DECR1: variants seen among roughly 807,000 people sequenced by gnomAD.
DECR1 encodes the protein 2,4-dienoyl-CoA reductase [(3E)-enoyl-CoA-producing], mitochondrial.
In DECR1, 44 loss-of-function variants were observed where a neutral mutation model predicts 38.8. The observed-to-expected ratio is 1.13, with a 90% CI of 0.89 to 1.46. The LOEUF (loss-of-function observed/expected upper bound fraction) is 1.46, where lower values mean the gene tolerates loss of function less well. DECR1 is among the 40% of genes most tolerant of loss of function. The probability of loss-of-function intolerance (pLI) is 0.00; values close to 1 mark genes in which losing one functional copy is unlikely to be tolerated. For synonymous variants in DECR1, 148 were observed against 135.2 expected (o/e 1.09, Z -0.66); for missense variants, 428 against 405.5 (o/e 1.06, Z -0.48).
At chr8:90,036,773 A>G in intron 5 of DECR1, 68 bp from the exon 6 acceptor site, 1 of 1,014,994 alleles carries the variant, frequency 9.9e-7, no homozygotes. Flanking sequence ...ATTTTTATAA[A>G]TAATGTTTTC....
Position 90,051,854 on chromosome 8 carries a change from G to T in DECR1, c.965G>T (p.Trp322Leu), listed in dbSNP as rs767238001. 2.5e-6 allele frequency: 4 copies of T among 1,613,614 alleles called. No homozygotes were observed. In the South Asian group the frequency reaches 4.4e-5, roughly 18 times the overall value. The change falls in exon 10 of 10, where the codon TGG (tryptophan) becomes TTG (leucine). Residue 322 changes from tryptophan (W) to leucine (L), a missense_variant. Trp to Leu is a moderately conservative substitution (Grantham distance 61). Transcript: ENST00000220764. ...TTGTGTTAGGTCACCAAGGAGCAGTGGGACACCATAGAAGAACTCATCAGG... is the reference window on the plus strand; with the variant it reads ...TTGTGTTAGGTCACCAAGGAGCAGTTGGACACCATAGAAGAACTCATCAGG... ...NDLRKVTKEQWDTIEELIRKT... is the reference protein window; with the variant it reads ...NDLRKVTKEQLDTIEELIRKT...
chr8:90,026,817 G>C (rs1297141861), intron 5 of DECR1, among the ~76,000 whole-genome samples: 4 of 152,124 alleles, frequency 2.6e-5, no homozygotes, highest in East Asian at 1.9e-4. Context: ...GTGATGTTGG[G>C]TGCCCATTTT....
At chr8:90,036,695 T>C (rs1035598685) in intron 5 of DECR1, 146 bp from the exon 6 acceptor site, 11 of 535,762 alleles carry the variant, frequency 2.1e-5, no homozygotes, top group Admixed American at 1.7e-4. Flanking sequence ...TACTCTCTCA[T>C]TAATTTAGAG....
chr8:90,042,960 A>G (rs1157504106), intron 7 of DECR1, among the ~76,000 whole-genome samples, 160 bp downstream of exon 7: 1 of 152,162 alleles, frequency 6.6e-6, no homozygotes, highest in Non-Finnish European at 1.5e-5. Context: ...ATCGAATATA[A>G]GAAATAAGGA....
At position 90,052,931 on chromosome 8, in the gene DECR1, G is replaced by T. The variant is rs1814132602; in HGVS notation, c.*1034G>T. Among the ~76,000 whole-genome samples the T allele has an allele frequency of 6.6e-6, 1 of 152,032 alleles. No individual in the cohort carries two copies. Among genetic ancestry groups the T allele is most frequent in the Non-Finnish European group, 1.5e-5 (1 of 68,004 alleles). ...CATCTTACCTCATCTGAATAAATCTGCCACAAGCCCATGGAAACCCCAATT... is the reference window on the plus strand; with the variant it reads ...CATCTTACCTCATCTGAATAAATCTTCCACAAGCCCATGGAAACCCCAATT... On this transcript the variant is annotated 3_prime_UTR_variant, in exon 10 of 10. Transcript: ENST00000220764.
chr8:90,047,735 T>G (rs547043639), intron 8 of DECR1, among the ~76,000 whole-genome samples: 1 of 152,254 alleles, frequency 6.6e-6, no homozygotes, highest in African/African-American at 2.4e-5. Flanking sequence ...ATATATATTC[T>G]TTTTAGCACC....
intron 1 of DECR1, among the ~76,000 whole-genome samples, chr8:90,007,186 G>A (rs1812764159): frequency 6.6e-6 from 1 of 152,136 alleles, no homozygotes; most frequent in African/African-American, 2.4e-5. Context: ...GGGGAATCCT[G>A]AGTACTTTGT....
intron 8 of DECR1, among the ~76,000 whole-genome samples, chr8:90,046,937 C>T (rs910206796): frequency 2.6e-5 from 4 of 152,106 alleles, no homozygotes; most frequent in Non-Finnish European, 4.4e-5. Context: ...CCAAACTAAG[C>T]TTCATAAGTG....
chr8:90,017,911 T>C (rs960063181), intron 2 of DECR1, among the ~76,000 whole-genome samples: 1 of 152,184 alleles, frequency 6.6e-6, no homozygotes, highest in Non-Finnish European at 1.5e-5. Context: ...GGTGGAGTTT[T>C]GTCCAGCTCT....
chr8:90,015,813 C>G (rs1272509415), intron 1 of DECR1: 6 of 303,056 alleles, frequency 2.0e-5, no homozygotes, highest in Admixed American at 4.0e-5. Flanking sequence ...AGAGAAGGCT[C>G]TGGAGCCTGT....
intron 6 of DECR1, among the ~76,000 whole-genome samples, chr8:90,037,479 GT>G (rs1813644110): frequency 6.7e-6 from 1 of 148,326 alleles, no homozygotes; most frequent in Admixed American, 6.8e-5. Flanking sequence ...CAGGACTTCA[GT>G]CTGTTGCCCA....
intron 8 of DECR1, among the ~76,000 whole-genome samples, chr8:90,047,128 C>T (rs1021837659): frequency 3.3e-5 from 5 of 152,098 alleles, no homozygotes; most frequent in African/African-American, 4.8e-5. Context: ...CATCAACTAA[C>T]GAGCAAAATA....
intron 7 of DECR1, among the ~76,000 whole-genome samples, chr8:90,043,999 T>C (rs1813826193): frequency 6.6e-6 from 1 of 152,334 alleles, no homozygotes; most frequent in South Asian, 2.1e-4. Flanking sequence ...AGAAAGTGCT[T>C]GCCACTAAGG....
At chr8:90,028,444 A>T (rs1459336746) in intron 5 of DECR1, among the ~76,000 whole-genome samples, 1 of 152,058 alleles carries the variant, frequency 6.6e-6, no homozygotes, top group Admixed American at 6.6e-5. Context: ...CTACTCAGAT[A>T]TTGTACTTGA....
intron 1 of DECR1, among the ~76,000 whole-genome samples, chr8:90,002,166 AC>A (rs1812631576): frequency 1.3e-5 from 2 of 152,294 alleles, no homozygotes; most frequent in South Asian, 4.1e-4. Context: ...AGGGAAGGAT[AC>A]GGCGCCCGTC....
chr8:90,036,401 CAT>C (rs1215063305), intron 5 of DECR1, among the ~76,000 whole-genome samples: 9 of 152,132 alleles, frequency 5.9e-5, no homozygotes, highest in Non-Finnish European at 1.2e-4. Flanking sequence ...ATAATTGTAG[CAT>C]ATGTCTTACT....
chr8:90,027,831 T>C (rs1470032666), intron 5 of DECR1, among the ~76,000 whole-genome samples: 1 of 152,134 alleles, frequency 6.6e-6, no homozygotes, highest in Non-Finnish European at 1.5e-5. Flanking sequence ...TTTCTACATT[T>C]ATTGAGATGG....
chr8:90,018,846 G>A (rs1805867), intron 2 of DECR1, 63 bp from the exon 3 acceptor site: 234,923 of 1,168,388 alleles, frequency 0.2, 25,648 homozygotes, highest in South Asian at 0.29. Flanking sequence ...TGGATTCTCT[G>A]TATTCTTCAA....
In DECR1 at chr8:90,036,879, A is replaced by T; in HGVS notation, c.604A>T (p.Thr202Ser). Residue 202 changes from threonine (T) to serine (S), a missense_variant, in exon 6 of 10, where the codon ACT (threonine) becomes TCT (serine). By Grantham distance (58) the Thr-to-Ser change is moderately conservative. Transcript: ENST00000220764. ...TTCTATTACTACTATCTATGCTGAG[A>T]CTGGTTCAGGTTTTGTAGTACCAAG... Reference protein sequence around the residue: ...FLSITTIYAETGSGFVVPSAS... With the variant: ...FLSITTIYAESGSGFVVPSAS... 1 of 1,613,566 alleles carries T rather than the reference A, an allele frequency of 6.2e-7. No individual in the cohort carries two copies. Among genetic ancestry groups the T allele is most frequent in the South Asian group, 1.1e-5 (1 of 91,026 alleles).
Sources: gnomAD v4.1 joint callset for allele counts (sites outside exome capture counted in the v4.1 genomes callset) on GRCh38, gnomAD v4.1.1 for gene constraint, MANE v1.5 for transcripts, NCBI Gene and HGNC (gene_info 2026-07-23, HGNC 2026-07-21) for gene names.